SORL1: variants seen among roughly 807,000 people sequenced by gnomAD.
SORL1 encodes the protein sortilin related receptor 1.
Under a neutral mutation model 273.7 loss-of-function variants are expected in SORL1, and 127 were observed. The ratio of observed to expected loss-of-function variants is 0.46; its 90% CI spans 0.40 to 0.54. The LOEUF (loss-of-function observed/expected upper bound fraction) is 0.54, where lower values mean the gene tolerates loss of function less well. SORL1 is among the 20% of genes least tolerant of loss of function. The pLI is 0.00. For missense variants in SORL1, 2,494 were observed against 2,846.1 expected (o/e 0.88, Z 2.81); for synonymous variants, 1,031 against 1,067.4 (o/e 0.97, Z 0.66).
At chr11:121,608,332 G>A in intron 38 of SORL1, 156 bp downstream of exon 38, 1 of 644,092 alleles carries the variant, frequency 1.6e-6, no homozygotes, top group Non-Finnish European at 2.7e-6. Context: ...TGTCTCTGTA[G>A]TGCTTTAGAT....
intron 30 of SORL1, 118 bp downstream of exon 30, chr11:121,590,292 A>G: frequency 9.6e-7 from 1 of 1,039,514 alleles, no homozygotes; most frequent in South Asian, 1.7e-5. Flanking sequence ...TTTTTGTGAG[A>G]GGAGTGACTC....
chr11:121,629,268 C>T lies in SORL1; in HGVS notation c.6578-228C>T, dbSNP rs74527979. 7.2e-3 allele frequency: 3,638 copies of T among 504,498 alleles called. 84 individuals are homozygous for T. The highest frequency in any genetic ancestry group is 0.058 in the African/African-American group (3,039 of 52,108). 31.3% of individuals were successfully genotyped at this position (504,498 alleles called of 1,614,324 possible). A position where few individuals can be genotyped will look rare whatever the true frequency, so the allele number is the denominator to read the frequency against. Reference sequence around the variant, plus strand: ...TTTTCCTAATTTGGCTACGTTCAAACGACCACTAAAATAAATGTGAGGATC... The same window carrying T: ...TTTTCCTAATTTGGCTACGTTCAAATGACCACTAAAATAAATGTGAGGATC... On this transcript the variant is annotated intron_variant, in intron 47 of 47. Transcript: ENST00000260197.
intron 21 of SORL1, among the ~76,000 whole-genome samples, chr11:121,562,513 A>G (rs978065602): frequency 2.6e-5 from 4 of 152,170 alleles, no homozygotes; most frequent in African/African-American, 9.7e-5. Context: ...TCCCTGTCCC[A>G]CCTGGGATGT....
At chr11:121,556,042 A>G (rs746854573) in intron 18 of SORL1, among the ~76,000 whole-genome samples, 1 of 152,208 alleles carries the variant, frequency 6.6e-6, no homozygotes, top group Non-Finnish European at 1.5e-5. Flanking sequence ...ATAGACCCAG[A>G]TGTAGGCTTG....
chr11:121,539,661 T>C (rs534924310), intron 12 of SORL1, among the ~76,000 whole-genome samples: 275 of 152,120 alleles, frequency 1.8e-3, no homozygotes, highest in African/African-American at 6.1e-3. Context: ...TATTCAAAGA[T>C]TTTTTTCTTT....
Position 121,478,261 on chromosome 11 carries a change from C to T in SORL1, c.528+18C>T, listed in dbSNP as rs369285342. 182 of 1,611,540 alleles carry T rather than the reference C, an allele frequency of 1.1e-4. No homozygotes were observed. In the African/African-American group the frequency reaches 2.3e-3, roughly 20 times the overall value. On this transcript the variant is annotated intron_variant, in intron 3 of 47. Transcript: ENST00000260197. ...ACAAGCGGGTAAGGAAGTGGCCATC[C>T]CTCCTGTCCCGACTTCATGGGACTG...
chr11:121,564,122 C>T (rs1335361143), intron 21 of SORL1, among the ~76,000 whole-genome samples: 4 of 152,294 alleles, frequency 2.6e-5, no homozygotes, highest in Non-Finnish European at 2.9e-5. Flanking sequence ...ATTGAGATAA[C>T]GGTTTTCATA....
chr11:121,625,318 G>T, intron 46 of SORL1, 41 bp downstream of exon 46: 2 of 1,486,918 alleles, frequency 1.3e-6, no homozygotes, highest in South Asian at 1.2e-5. Flanking sequence ...TCAGTTCTAG[G>T]GAAATAGCAA....
At chr11:121,520,874 G>A (rs1862031611) in intron 9 of SORL1, 25 bp downstream of exon 9, 2 of 1,527,510 alleles carry the variant, frequency 1.3e-6, no homozygotes, top group African/African-American at 2.8e-5. Context: ...ATCTTCTTTT[G>A]CTTTTTAATA....
chr11:121,577,179 G>A, intron 24 of SORL1, 102 bp from the exon 25 acceptor site: 1 of 1,407,056 alleles, frequency 7.1e-7, no homozygotes, highest in East Asian at 2.3e-5. Flanking sequence ...GATCATTGGT[G>A]ATCACGGGTC....
rs544953349 is a variant in SORL1, at chr11:121,591,827, G to A, written c.4369+671G>A. Among the ~76,000 whole-genome samples, 5 of 152,174 alleles carry A rather than the reference G, an allele frequency of 3.3e-5. No homozygotes were observed. The South Asian group carries it at 6.2e-4, about 19-fold the overall frequency. On this transcript the variant is annotated intron_variant, in intron 31 of 47. Coordinates refer to ENST00000260197, the MANE Select transcript of SORL1 (RefSeq NM_003105.6). ...ATCTTTTCCCTTCTTCTGTGAGCAT[G>A]TTCTTTCCATTGCTTCCTTGTTTAA...
chr11:121,532,659 A>C, intron 12 of SORL1, 107 bp downstream of exon 12: 1 of 915,646 alleles, frequency 1.1e-6, no homozygotes, highest in African/African-American at 1.7e-5. Flanking sequence ...TTGACAGCAC[A>C]ATTTGTGATC....
chr11:121,522,661 A>G lies in SORL1; in HGVS notation c.1480A>G (p.Ile494Val), dbSNP rs771038731. Reference protein sequence around the residue: ...LLNLQLRRMPILSKESAPGLI... With the variant: ...LLNLQLRRMPVLSKESAPGLI... ...CAACCTCCAGCTCCGGAGAATGCCCATCCTGTCCAAGGAGTCGGCTCCAGG... is the reference window on the plus strand; with the variant it reads ...CAACCTCCAGCTCCGGAGAATGCCCGTCCTGTCCAAGGAGTCGGCTCCAGG... Residue 494 changes from isoleucine to valine, a missense_variant, in exon 10 of 48, where the codon ATC becomes GTC. This residue lies in a region of SORL1 where 710 missense variants were observed against 882.5 expected (regional missense o/e 0.80). Transcript: ENST00000260197. 4 of 1,614,036 alleles carry G rather than the reference A, an allele frequency of 2.5e-6. No individual in the cohort carries two copies. Among genetic ancestry groups the G allele is most frequent in the Non-Finnish European group, 3.4e-6 (4 of 1,180,000 alleles).
rs934291754 is a variant in SORL1, at chr11:121,589,519, C to T, written c.4078+129C>T. On this transcript the variant is annotated intron_variant, in intron 29 of 47. Coordinates refer to ENST00000260197, the MANE Select transcript of SORL1 (RefSeq NM_003105.6). Reference sequence around the variant, plus strand: ...CCCGTAACTCAGCAGCAGTTGCTGCCAGTTCCTGAATACTCATACGAGTTG... The same window carrying T: ...CCCGTAACTCAGCAGCAGTTGCTGCTAGTTCCTGAATACTCATACGAGTTG... 9 of 1,152,448 alleles carry T rather than the reference C, an allele frequency of 7.8e-6. No homozygotes were observed. In the African/African-American group the frequency reaches 1.2e-4, roughly 15 times the overall value. The allele number at this position is 1,152,448 out of a possible 1,614,324, so 71.4% of individuals were successfully genotyped here.
At chr11:121,622,010 C>T (rs1478827083) in intron 44 of SORL1, 152 bp from the exon 45 acceptor site, 2 of 547,190 alleles carry the variant, frequency 3.7e-6, no homozygotes, top group African/African-American at 3.8e-5. Context: ...CTACCATGTG[C>T]TAGGTTCTGT....
At position 121,564,386 on chromosome 11, in the gene SORL1, A is replaced by G. The variant is rs1004633812; in HGVS notation, c.3050-2554A>G. On this transcript the variant is annotated intron_variant, in intron 21 of 47. Transcript: ENST00000260197. ...TTACTGCCTCAGAGTACAGTTTCAT[A>G]CATTTCTGCCTAGATCAGCCTCCTG... Among the ~76,000 whole-genome samples the G allele has an allele frequency of 2.6e-5, 4 of 152,148 alleles. No individual in the cohort carries two copies. The East Asian group carries it at 7.7e-4, about 29-fold the overall frequency.
intron 1 of SORL1, among the ~76,000 whole-genome samples, chr11:121,467,361 G>A (rs1861099957): frequency 6.6e-6 from 1 of 152,018 alleles, no homozygotes; most frequent in Non-Finnish European, 1.5e-5. Flanking sequence ...TGAGTAGATC[G>A]ATTTCAGCAA....
At position 121,550,482 on chromosome 11, in the gene SORL1, A is replaced by C; in HGVS notation, c.2181-103A>C. 1 of 913,270 alleles carries C rather than the reference A, an allele frequency of 1.1e-6. No individual in the cohort carries two copies. The highest frequency in any genetic ancestry group is 1.8e-6 in the Non-Finnish European group (1 of 558,606). The allele number at this position is 913,270 out of a possible 1,614,324, so 56.6% of individuals were successfully genotyped here. ...TCTAGTTCTAAAGAGAAATGAGTGGATGGACTCTACTGGCCGTGGGTAGTA... is the reference window on the plus strand; with the variant it reads ...TCTAGTTCTAAAGAGAAATGAGTGGCTGGACTCTACTGGCCGTGGGTAGTA... On this transcript the variant is annotated intron_variant, in intron 15 of 47. Coordinates refer to ENST00000260197, the MANE Select transcript of SORL1 (RefSeq NM_003105.6). The surrounding 1 kb of genome is among the most constrained non-coding windows in gnomAD (Gnocchi z 5.3).
rs117799833 is a variant in SORL1, at chr11:121,493,049, G to A, written c.758+2939G>A. Among the ~76,000 whole-genome samples, 60 of 152,224 alleles carry A rather than the reference G, an allele frequency of 3.9e-4. No homozygotes were observed. The East Asian group carries it at 0.011, about 27-fold the overall frequency. On this transcript the variant is annotated intron_variant, in intron 5 of 47. Transcript: ENST00000260197. ...GCTGGAGTGCAGTGACACTATCATA[G>A]CTTACAGCAGCTTCAAACTCTTGGG...
Sources: gnomAD v4.1 joint callset for allele counts (sites outside exome capture counted in the v4.1 genomes callset) on GRCh38, gnomAD v4.1.1 for gene constraint, gnomAD v4.1.1 regional missense constraint, Gnocchi (gnomAD v3.1) non-coding constraint, MANE v1.5 for transcripts, NCBI Gene and HGNC (gene_info 2026-07-23, HGNC 2026-07-21) for gene names.